LRRK1: variants seen among roughly 807,000 people sequenced by gnomAD.
The protein encoded by LRRK1 is leucine-rich repeat serine/threonine-protein kinase 1.
In LRRK1, 113 loss-of-function variants were observed where a neutral mutation model predicts 209.1. The observed-to-expected ratio is 0.54, with a 90% CI of 0.46 to 0.63. The LOEUF (loss-of-function observed/expected upper bound fraction) is 0.63. LRRK1 is among the 30% of genes least tolerant of loss of function. LRRK1 has a pLI of 0.00. For synonymous variants in LRRK1, 1,144 were observed against 1,099.7 expected (o/e 1.04, Z -0.80); for missense variants, 2,284 against 2,632.2 (o/e 0.87, Z 2.89).
intron 12 of LRRK1, among the ~76,000 whole-genome samples, chr15:101,017,273 C>G (rs1018084868): frequency 8.5e-5 from 13 of 152,204 alleles, no homozygotes; most frequent in African/African-American, 3.1e-4. Flanking sequence ...GAGTTTGCCG[C>G]TGCTACGCTC....
rs1275390929 is a variant in LRRK1, at chr15:101,049,689, A to G, written c.3345A>G (p.Gly1115=). Residue 1115 remains glycine, a synonymous_variant, in exon 23 of 34, where the codon GGA becomes GGG. Transcript: ENST00000388948. ...ACTGGAAAAAGAAGAAAAGCGGAGG[A>G]ATGAAAATTGTTTGCCAATCAGAAG... is the stretch of plus-strand genomic sequence containing the variant. ...DVNWKKKKSG[G]MKIVCQSEVR... 1 of 1,614,030 alleles carries G rather than the reference A, an allele frequency of 6.2e-7. No homozygotes were observed. The highest frequency in any genetic ancestry group is 1.7e-5 in the Admixed American group (1 of 59,990).
chr15:100,960,754 C>T (rs528433638), intron 2 of LRRK1, among the ~76,000 whole-genome samples: 23 of 152,178 alleles, frequency 1.5e-4, no homozygotes, highest in African/African-American at 4.3e-4. Context: ...ATTTGTAGAA[C>T]GAATGAGCAA....
intron 6 of LRRK1, among the ~76,000 whole-genome samples, chr15:100,990,801 T>C (rs990703855): frequency 3.3e-5 from 5 of 151,982 alleles, no homozygotes; most frequent in Admixed American, 6.6e-5. Context: ...ATTATTTTTC[T>C]TTTTTTGTTA....
chr15:100,979,623 A>G (rs1291390579), intron 3 of LRRK1, among the ~76,000 whole-genome samples: 1 of 152,210 alleles, frequency 6.6e-6, no homozygotes, highest in Admixed American at 6.5e-5. Flanking sequence ...AGAAATACCT[A>G]AGACAGTGAT....
intron 10 of LRRK1, among the ~76,000 whole-genome samples, chr15:101,012,653 C>A (rs910154794): frequency 0.053 from 321 of 6,086 alleles, 2 homozygotes; most frequent in Non-Finnish European, 0.34. Context: ...CCCAGGCCAC[C>A]CTGCACAGGC....
At position 100,924,636 on chromosome 15, in the gene LRRK1, G is replaced by A. The variant is rs781273894; in HGVS notation, c.4G>A (p.Ala2Thr). The A allele has an allele frequency of 8.2e-5, 133 of 1,614,006 alleles. No homozygotes were observed. Among genetic ancestry groups the A allele is most frequent in the Non-Finnish European group, 1.1e-4 (124 of 1,180,012 alleles). Residue 2 changes from alanine to threonine, a missense_variant, in exon 2 of 34, where the codon GCT becomes ACT. Ala to Thr is a moderately conservative substitution (Grantham distance 58, BLOSUM62 0). Around this residue, in one of 6 missense-constraint regions of LRRK1, gnomAD observed 174 missense variants for 133.5 expected, o/e 1.30. Coordinates refer to ENST00000388948, the MANE Select transcript of LRRK1 (RefSeq NM_024652.6). ...AGATCGGCTGCTGCAAGGGTTGATG[G>A]CTGGCATGTCGCAAAGACCCCCCAG... M[A>T]GMSQRPPSMY...
At chr15:101,021,378 TAC>T (rs1177786049) in intron 13 of LRRK1, among the ~76,000 whole-genome samples, 196 bp downstream of exon 13, 3 of 152,170 alleles carry the variant, frequency 2.0e-5, no homozygotes, top group Non-Finnish European at 4.4e-5. Context: ...AATGCAATGA[TAC>T]ACACTTTCAC....
rs371351101 is a variant in LRRK1 at position 101,049,659 on chromosome 15, C to G, written c.3315C>G (p.Asp1105Glu). The change falls in exon 23 of 34, where the codon GAC becomes GAG. Residue 1105 changes from aspartate (D) to glutamate (E), a missense_variant. Around this residue, in one of 6 missense-constraint regions of LRRK1, gnomAD observed 780 missense variants for 985.2 expected, o/e 0.79. Coordinates refer to ENST00000388948, the MANE Select transcript of LRRK1 (RefSeq NM_024652.6). ...TGGATTGCAGTGTGGAATCTTCCGA[C>G]GTGAACTGGAAAAAGAAGAAAAGCG... ...DGGYLSVESS[D>E]VNWKKKKSGG... 6.8e-6 allele frequency: 11 copies of G among 1,613,836 alleles called. No homozygotes were observed. In the South Asian group the frequency reaches 1.2e-4, roughly 18 times the overall value.
At chr15:100,941,814 G>A (rs915709999) in intron 2 of LRRK1, among the ~76,000 whole-genome samples, 1 of 152,080 alleles carries the variant, frequency 6.6e-6, no homozygotes, top group Non-Finnish European at 1.5e-5. Context: ...AGCCCACATC[G>A]AGTGTAGACC....
At position 101,068,651 on chromosome 15, in the gene LRRK1, A is replaced by C. The variant is rs1212600175; in HGVS notation, c.5871-20A>C. The C allele has an allele frequency of 9.0e-6, 14 of 1,551,190 alleles. No individual in the cohort carries two copies. Among genetic ancestry groups the C allele is most frequent in the Non-Finnish European group, 1.2e-5 (14 of 1,145,536 alleles). ...AGTGGGAACCCCTGTGAGTTTCCTC[A>C]GACCCCCTTCTCTCTGCAGGGTGCT... On this transcript the variant is annotated intron_variant, in intron 33 of 33. Transcript: ENST00000388948.
At chr15:100,996,902 G>A (rs111345074) in intron 6 of LRRK1, among the ~76,000 whole-genome samples, 6 of 152,298 alleles carry the variant, frequency 3.9e-5, no homozygotes, top group African/African-American at 1.4e-4. Context: ...AAGACGTAAT[G>A]AGAAAAGAAT....
chr15:100,989,114 C>A, intron 5 of LRRK1, 136 bp from the exon 6 acceptor site: 1 of 828,344 alleles, frequency 1.2e-6, no homozygotes, highest in Non-Finnish European at 1.9e-6. Flanking sequence ...ACTTGATGCA[C>A]CAAGGGAAGT....
At position 101,065,991 on chromosome 15, in the gene LRRK1, G is replaced by C. The variant is rs1167224033; in HGVS notation, c.5554G>C (p.Ala1852Pro). 16 of 1,613,932 alleles carry C rather than the reference G, an allele frequency of 9.9e-6. No individual in the cohort carries two copies. Among genetic ancestry groups the C allele is most frequent in the Non-Finnish European group, 1.4e-5 (16 of 1,180,026 alleles). ...CTACTCCTCATCCCCACCCCGCCAG[G>C]CTGCCAGGTCCCCCTCAAGCCTCCC... is the stretch of plus-strand genomic sequence containing the variant. ...SSYSSSPPRQ[A>P]ARSPSSLPSS... The change falls in exon 32 of 34, where the codon GCT becomes CCT. Residue 1852 changes from alanine (A) to proline (P), a missense_variant. By Grantham distance (27) the Ala-to-Pro change is conservative. Transcript: ENST00000388948.
chr15:101,057,545 C>G (rs556849676), intron 28 of LRRK1, among the ~76,000 whole-genome samples: 5 of 152,242 alleles, frequency 3.3e-5, no homozygotes, highest in Admixed American at 6.5e-5. Context: ...ACAGGGTATT[C>G]TTTAGAAGAA....
Position 100,983,770 on chromosome 15 carries a change from T to C in LRRK1, c.433+71T>C, listed in dbSNP as rs758192017. 13 of 1,419,640 alleles carry C rather than the reference T, an allele frequency of 9.2e-6. No individual in the cohort carries two copies. In the African/African-American group the frequency reaches 1.7e-4, roughly 18 times the overall value. 87.9% of individuals were successfully genotyped at this position (1,419,640 alleles called of 1,614,324 possible). A position where few individuals can be genotyped will look rare whatever the true frequency, so the allele number is the denominator to read the frequency against. ...CTTCTTAGGCTTCACCCCAAAATGT[T>C]TACTTCTTCATGCTTTCACCAATAA... On this transcript the variant is annotated intron_variant, in intron 4 of 33. Transcript: ENST00000388948.
intron 3 of LRRK1, among the ~76,000 whole-genome samples, chr15:100,977,508 G>A (rs1049015671): frequency 6.6e-6 from 1 of 152,198 alleles, no homozygotes; most frequent in African/African-American, 2.4e-5. Flanking sequence ...AGCATGTGGG[G>A]AGCCTGGACT....
At chr15:101,041,596 A>G (rs2034758509) in intron 20 of LRRK1, among the ~76,000 whole-genome samples, 1 of 152,114 alleles carries the variant, frequency 6.6e-6, no homozygotes, top group African/African-American at 2.4e-5. Flanking sequence ...CTTGTAATTA[A>G]TATTATACCA....
At chr15:100,952,671 A>AATCCCAGC (rs1394883529) in intron 2 of LRRK1, among the ~76,000 whole-genome samples, 1 of 145,614 alleles carries the variant, frequency 6.9e-6, no homozygotes, top group Non-Finnish European at 1.5e-5. Flanking sequence ...GACAGCATTC[A>AATCCCAGC]ATCCCAGCAT....
intron 2 of LRRK1, among the ~76,000 whole-genome samples, chr15:100,950,707 T>C (rs952084711): frequency 6.6e-6 from 1 of 152,254 alleles, no homozygotes; most frequent in Non-Finnish European, 1.5e-5. Context: ...GAAAAGAACC[T>C]GTGAAATGGG....
Sources: gnomAD v4.1 joint callset for allele counts (sites outside exome capture counted in the v4.1 genomes callset) on GRCh38, gnomAD v4.1.1 for gene constraint, gnomAD v4.1.1 regional missense constraint, MANE v1.5 for transcripts, NCBI Gene and HGNC (gene_info 2026-07-23, HGNC 2026-07-21) for gene names.